Variants in NSG1 observed in about 807,000 individuals in gnomAD.
NSG1 encodes the protein neuronal vesicle trafficking associated 1, also known as neuronal vesicle trafficking-associated protein 1.
NSG1 carries 9 observed loss-of-function variants against 19.3 expected under a neutral mutation model. The observed-to-expected ratio is 0.47, with a 90% CI of 0.28 to 0.81. NSG1 has a LOEUF of 0.81. Ranked by LOEUF, NSG1 falls within the 40% of genes least tolerant of loss-of-function variation. The pLI, the probability that NSG1 is intolerant of heterozygous loss-of-function variation, is 0.11. For synonymous variants in NSG1, 104 were observed against 107.0 expected (o/e 0.97, Z 0.17); for missense variants, 236 against 242.4 (o/e 0.97, Z 0.18).
intron 4 of NSG1, among the ~76,000 whole-genome samples, chr4:4,409,890 A>G (rs568349195): frequency 1.2e-4 from 18 of 152,300 alleles, no homozygotes; most frequent in African/African-American, 4.3e-4. Flanking sequence ...ACCCACAGGA[A>G]GGAAACTCCC....
intron 3 of NSG1, among the ~76,000 whole-genome samples, chr4:4,406,974 C>A (rs766899085): frequency 2.6e-5 from 4 of 152,208 alleles, no homozygotes; most frequent in East Asian, 1.9e-4. Context: ...CACAGCTCTG[C>A]GCTCTGCTGC....
chr4:4,404,391 C>T (rs1427857811), intron 3 of NSG1, among the ~76,000 whole-genome samples: 1 of 152,236 alleles, frequency 6.6e-6, no homozygotes, highest in African/African-American at 2.4e-5. Context: ...CCATCATAGA[C>T]GCAGGTGCTG....
intron 4 of NSG1, among the ~76,000 whole-genome samples, 154 bp from the exon 5 acceptor site, chr4:4,417,081 T>TC (rs1414017735): frequency 1.3e-5 from 2 of 152,170 alleles, no homozygotes; most frequent in Non-Finnish European, 1.5e-5. Flanking sequence ...TGCTGTGCTC[T>TC]CTCAGGGCAA....
intron 3 of NSG1, among the ~76,000 whole-genome samples, chr4:4,404,254 C>T (rs1028104307): frequency 6.6e-6 from 1 of 152,224 alleles, no homozygotes; most frequent in Non-Finnish European, 1.5e-5. Context: ...TTGAATTGGA[C>T]GGTCTCCAGC....
chr4:4,397,053 G>GTGTGTGTGTA lies in NSG1; in HGVS notation c.246+5469_246+5470insGTATGTGTGT, dbSNP rs1723292151. On this transcript the variant is annotated intron_variant, in intron 3 of 4. Transcript: ENST00000621129. ...GGTTCAGTCATCTGTGTGTGTGTGT[G>GTGTGTGTGTA]TGTGTGTATGTATTCACTTTTGTGT... Among the ~76,000 whole-genome samples the GTGTGTGTGTA allele has an allele frequency of 7.9e-5, 12 of 151,978 alleles. No homozygotes were observed. The South Asian group carries it at 2.5e-3, about 32-fold the overall frequency.
intron 3 of NSG1, among the ~76,000 whole-genome samples, chr4:4,405,614 C>G (rs1184688185): frequency 6.6e-6 from 1 of 152,220 alleles, no homozygotes; most frequent in Non-Finnish European, 1.5e-5. Context: ...CTCCTTAGGC[C>G]ATGGACCCCA....
rs769752719 is a variant in NSG1 at position 4,387,770 on chromosome 4, C to A, written c.129+12C>A. The A allele has an allele frequency of 1.9e-5, 30 of 1,587,806 alleles. No homozygotes were observed. Among genetic ancestry groups the A allele is most frequent in the Non-Finnish European group, 2.4e-5 (28 of 1,157,970 alleles). Reference sequence around the variant, plus strand: ...CGCCCCCGGATAAGGTAAGCCCCCCCACGCCCCTCCACGTTGCCGGGTGTG... The same window carrying A: ...CGCCCCCGGATAAGGTAAGCCCCCCAACGCCCCTCCACGTTGCCGGGTGTG... On this transcript the variant is annotated intron_variant, in intron 2 of 4. Transcript: ENST00000621129.
chr4:4,409,742 C>G (rs1724069551), intron 4 of NSG1, 59 bp downstream of exon 4: 1 of 1,356,592 alleles, frequency 7.4e-7, no homozygotes, highest in Non-Finnish European at 1.1e-6. Flanking sequence ...TGTTCTCTCC[C>G]TTGAACTCAA....
intron 3 of NSG1, among the ~76,000 whole-genome samples, chr4:4,396,387 C>A (rs1292816234): frequency 2.0e-5 from 3 of 152,188 alleles, no homozygotes; most frequent in African/African-American, 7.2e-5. Flanking sequence ...GTCTCCACAC[C>A]CTGTTTGCCT....
intron 1 of NSG1, 57 bp from the exon 2 acceptor site, chr4:4,387,547 C>A: frequency 3.6e-6 from 2 of 549,866 alleles, no homozygotes; most frequent in South Asian, 3.7e-5. Context: ...GCCCACTTCC[C>A]CCCCGCCCCG....
intron 3 of NSG1, among the ~76,000 whole-genome samples, chr4:4,406,677 C>A (rs993458170): frequency 2.6e-5 from 4 of 152,290 alleles, no homozygotes; most frequent in East Asian, 1.9e-4. Context: ...ATGCTCCCCC[C>A]CAACCCAGGT....
Position 4,417,125 on chromosome 4 carries a change from A to G in NSG1, c.358-110A>G, listed in dbSNP as rs150017379. On this transcript the variant is annotated intron_variant, in intron 4 of 4. Transcript: ENST00000621129. ...CCCGTTTTTGCTCATCACTGTATCT[A>G]TTCCTCCAAGCTCAGGGAAGGTGCT... 3.4e-3 allele frequency: 2,978 copies of G among 887,190 alleles called. 10 individuals are homozygous for G. The highest frequency in any genetic ancestry group is 4.6e-3 in the Non-Finnish European group (2,486 of 541,130). The allele number at this position is 887,190 out of a possible 1,614,324, so 55.0% of individuals were successfully genotyped here. A position where few individuals can be genotyped will look rare whatever the true frequency, so the allele number is the denominator to read the frequency against.
At chr4:4,390,280 G>T (rs549291279) in intron 2 of NSG1, among the ~76,000 whole-genome samples, 1 of 152,342 alleles carries the variant, frequency 6.6e-6, no homozygotes, top group African/African-American at 2.4e-5. Context: ...CCTCTCCACC[G>T]CAGGAGCACT....
At chr4:4,409,847 G>C (rs750950067) in intron 4 of NSG1, among the ~76,000 whole-genome samples, 164 bp downstream of exon 4, 32 of 152,218 alleles carry the variant, frequency 2.1e-4, no homozygotes, top group Non-Finnish European at 4.3e-4. Context: ...GGCCCACCTG[G>C]AGAGCAGGGC....
At chr4:4,403,779 T>C (rs1723698531) in intron 3 of NSG1, among the ~76,000 whole-genome samples, 1 of 152,178 alleles carries the variant, frequency 6.6e-6, no homozygotes, top group Non-Finnish European at 1.5e-5. Context: ...GCAGGTGTTG[T>C]GTTAGGAGTA....
chr4:4,409,516 T>A, intron 3 of NSG1, 57 bp from the exon 4 acceptor site: 1 of 1,267,072 alleles, frequency 7.9e-7, no homozygotes, highest in Non-Finnish European at 1.2e-6. Context: ...TGCGGGTGTG[T>A]GTGTGTCTGT....
At chr4:4,398,896 G>A (rs1318404409) in intron 3 of NSG1, among the ~76,000 whole-genome samples, 1 of 152,132 alleles carries the variant, frequency 6.6e-6, no homozygotes, top group Non-Finnish European at 1.5e-5. Context: ...ATTTTACATT[G>A]CCATTAGCAA....
chr4:4,410,717 G>C lies in NSG1; in HGVS notation c.357+1034G>C, dbSNP rs556128093. Reference sequence around the variant, plus strand: ...GGGTGGGTGAGTGAGGGAGTGGGTGGTGAGTGAATGCGAAGGCCGAGGCAT... The same window carrying C: ...GGGTGGGTGAGTGAGGGAGTGGGTGCTGAGTGAATGCGAAGGCCGAGGCAT... On this transcript the variant is annotated intron_variant, in intron 4 of 4. Coordinates refer to ENST00000621129, the MANE Select transcript of NSG1 (RefSeq NM_014392.5). 7.2e-5 allele frequency among the ~76,000 whole-genome samples: 11 copies of C among 152,350 alleles called. No individual in the cohort carries two copies. In the South Asian group the frequency reaches 2.3e-3, roughly 32 times the overall value.
At chr4:4,402,598 C>T (rs1398886314) in intron 3 of NSG1, among the ~76,000 whole-genome samples, 2 of 151,768 alleles carry the variant, frequency 1.3e-5, no homozygotes, top group East Asian at 1.9e-4. Context: ...GTTTTTTAGC[C>T]AGGATGGTCT....
Sources: gnomAD v4.1 joint callset for allele counts (sites outside exome capture counted in the v4.1 genomes callset) on GRCh38, gnomAD v4.1.1 for gene constraint, MANE v1.5 for transcripts, NCBI Gene and HGNC (gene_info 2026-07-23, HGNC 2026-07-21) for gene names.